Variants in KATNIP observed in about 807,000 individuals in gnomAD.
The protein encoded by KATNIP is katanin-interacting protein.
In KATNIP, 126 loss-of-function variants were observed where a neutral mutation model predicts 174.0. The observed-to-expected ratio is 0.72, with a 90% CI of 0.63 to 0.84. The LOEUF (loss-of-function observed/expected upper bound fraction) is 0.84. KATNIP is among the 40% of genes least tolerant of loss of function. KATNIP has a pLI of 0.00. For synonymous variants in KATNIP, 810 were observed against 835.7 expected, an observed-to-expected ratio of 0.97 and a Z score of 0.53; for missense variants, 1,958 against 2,109.7, an observed-to-expected ratio of 0.93 and a Z score of 1.41.
intron 6 of KATNIP, among the ~76,000 whole-genome samples, chr16:27,666,392 TTTTTGTTTTGTTTTGTTTTG>T (rs56799945): frequency 2.7e-5 from 4 of 149,390 alleles, no homozygotes; most frequent in Non-Finnish European, 5.9e-5. Flanking sequence ...GGGGAATGAG[TTTTTGTTTTGTTTTGTTTTG>T]TTTTGTTTTG....
intron 22 of KATNIP, among the ~76,000 whole-genome samples, chr16:27,772,509 T>C (rs2082341454): frequency 6.6e-6 from 1 of 152,228 alleles, no homozygotes; most frequent in Admixed American, 6.5e-5. Flanking sequence ...AGCACAGGGC[T>C]GAGGAAAGGC....
At chr16:27,695,311 C>T (rs1276052706) in intron 8 of KATNIP, among the ~76,000 whole-genome samples, 1 of 152,224 alleles carries the variant, frequency 6.6e-6, no homozygotes, top group East Asian at 1.9e-4. Flanking sequence ...CCTACAGTGC[C>T]CTGCAAGGCC....
At chr16:27,641,874 C>T (rs887262142) in intron 5 of KATNIP, among the ~76,000 whole-genome samples, 2 of 152,214 alleles carry the variant, frequency 1.3e-5, no homozygotes, top group Admixed American at 6.5e-5. Flanking sequence ...ACTAGAAACC[C>T]ATGGGGAGGC....
intron 8 of KATNIP, among the ~76,000 whole-genome samples, chr16:27,694,356 T>C (rs2078842700): frequency 6.6e-6 from 1 of 152,120 alleles, no homozygotes; most frequent in South Asian, 2.1e-4. Flanking sequence ...AAGCATGCTG[T>C]TTTTCAGAAA....
At chr16:27,563,741 C>A (rs1398123476) in intron 1 of KATNIP, among the ~76,000 whole-genome samples, 5 of 151,762 alleles carry the variant, frequency 3.3e-5, no homozygotes, top group African/African-American at 9.7e-5. Flanking sequence ...GGCAGGGATA[C>A]CTACTAGGTG....
intron 14 of KATNIP, among the ~76,000 whole-genome samples, chr16:27,723,118 G>A (rs2080305063): frequency 6.6e-6 from 1 of 152,142 alleles, no homozygotes; most frequent in African/African-American, 2.4e-5. Flanking sequence ...TCACAGGCAT[G>A]GAGGTGTGAA....
At position 27,701,674 on chromosome 16, in the gene KATNIP, G is replaced by T. The variant is rs1240867007; in HGVS notation, c.1265G>T (p.Arg422Ile). 8 of 1,605,114 alleles carry T rather than the reference G, an allele frequency of 5.0e-6. No individual in the cohort carries two copies. Among genetic ancestry groups the T allele is most frequent in the Non-Finnish European group, 5.1e-6 (6 of 1,176,172 alleles). Residue 422 changes from arginine (R) to isoleucine (I), a missense_variant, in exon 11 of 28, where the codon AGA (arginine) becomes ATA (isoleucine). Physicochemically the swap from Arg to Ile is moderately conservative, Grantham distance 97. Coordinates refer to ENST00000261588, the MANE Select transcript of KATNIP (RefSeq NM_015202.5). Reference sequence around the variant, plus strand: ...AGGGCCATCAACCAGGCCATGGACAGAATTGGGCTTCTGGGAAGCAGGTAC... The same window carrying T: ...AGGGCCATCAACCAGGCCATGGACATAATTGGGCTTCTGGGAAGCAGGTAC... ...GARAINQAMD[R>I]IGLLGSRQQQ...
intron 2 of KATNIP, among the ~76,000 whole-genome samples, chr16:27,584,912 G>A (rs185470365): frequency 2.3e-4 from 35 of 152,304 alleles, no homozygotes; most frequent in Admixed American, 2.0e-3. Flanking sequence ...CGGTGAGACA[G>A]CCTGCCCTGG....
intron 1 of KATNIP, among the ~76,000 whole-genome samples, chr16:27,571,296 G>A (rs1262905836): frequency 6.6e-6 from 1 of 152,168 alleles, no homozygotes. Context: ...ACCTCCCTAA[G>A]TGTTAGAATT....
At chr16:27,614,809 G>A (rs1417625079) in intron 2 of KATNIP, among the ~76,000 whole-genome samples, 2 of 152,180 alleles carry the variant, frequency 1.3e-5, no homozygotes, top group East Asian at 3.8e-4. Context: ...GGAAGGAAAA[G>A]TAGAGGCTCC....
intron 6 of KATNIP, among the ~76,000 whole-genome samples, chr16:27,664,482 G>T (rs2077620853): frequency 6.6e-6 from 1 of 152,182 alleles, no homozygotes. Context: ...GCTTATTAAA[G>T]CTGTGAATTC....
rs1331280050 is a variant in KATNIP at position 27,608,870 on chromosome 16, C to G, written c.64-9555C>G. On this transcript the variant is annotated intron_variant, in intron 2 of 27. Coordinates refer to ENST00000261588, the MANE Select transcript of KATNIP (RefSeq NM_015202.5). ...CCTCCTCAGCACCCGGCAATCTAGC[C>G]AATTCTTGATTCCCCCTTATCCCCC... Among the ~76,000 whole-genome samples, 5 of 152,148 alleles carry G rather than the reference C, an allele frequency of 3.3e-5. No individual in the cohort carries two copies. The South Asian group carries it at 6.2e-4, about 19-fold the overall frequency.
chr16:27,715,877 G>T (rs1361854008), intron 13 of KATNIP, among the ~76,000 whole-genome samples: 2 of 151,966 alleles, frequency 1.3e-5, no homozygotes, highest in African/African-American at 2.4e-5. Flanking sequence ...GTGGAAAACA[G>T]CTTAGCAATT....
Position 27,737,857 on chromosome 16 carries a change from A to C in KATNIP, c.1744-2184A>C, listed in dbSNP as rs1274875529. ...ACTTCTGAGAGTCATTAGTAATGAC[A>C]CCAGGATAACAGATATAAATCAGAA... is the stretch of plus-strand genomic sequence containing the variant. On this transcript the variant is annotated intron_variant, in intron 14 of 27. Coordinates refer to ENST00000261588, the MANE Select transcript of KATNIP (RefSeq NM_015202.5). 2.0e-5 allele frequency among the ~76,000 whole-genome samples: 3 copies of C among 152,236 alleles called. No individual in the cohort carries two copies. In the East Asian group the frequency reaches 5.8e-4, roughly 29 times the overall value.
intron 21 of KATNIP, among the ~76,000 whole-genome samples, chr16:27,771,164 G>C (rs2082284195): frequency 6.6e-6 from 1 of 152,152 alleles, no homozygotes; most frequent in Non-Finnish European, 1.5e-5. Flanking sequence ...AAGACATAGA[G>C]GGGGTTGGTT....
chr16:27,655,295 G>A (rs1191811105), intron 6 of KATNIP, among the ~76,000 whole-genome samples: 2 of 147,090 alleles, frequency 1.4e-5, no homozygotes, highest in Non-Finnish European at 3.0e-5. Context: ...ATACAGTGGT[G>A]CAATCATGGC....
At chr16:27,642,855 A>ACCTCAGC (rs1173343815) in intron 5 of KATNIP, among the ~76,000 whole-genome samples, 2 of 141,442 alleles carry the variant, frequency 1.4e-5, no homozygotes, top group Non-Finnish European at 3.0e-5. Flanking sequence ...CAATCCTCCC[A>ACCTCAGC]CCTCAGCCTC....
Position 27,681,522 on chromosome 16 carries a change from T to C in KATNIP, c.932T>C (p.Met311Thr), listed in dbSNP as rs545447480. Residue 311 changes from methionine (M) to threonine (T), a missense_variant, in exon 8 of 28, where the codon ATG becomes ACG. Coordinates refer to ENST00000261588, the MANE Select transcript of KATNIP (RefSeq NM_015202.5). ...GCTGTATTCCCAGACCAGGAGAGGA[T>C]GTGCTCCAGTAAGAGTTCCGGGGGC... is the stretch of plus-strand genomic sequence containing the variant. ...APAVFPDQER[M>T]CSRPGSRRER... The C allele has an allele frequency of 1.2e-4, 201 of 1,614,182 alleles. 1 individual carries two copies. The East Asian group carries it at 4.4e-3, about 35-fold the overall frequency.
intron 1 of KATNIP, among the ~76,000 whole-genome samples, chr16:27,567,247 T>C (rs1259973425): frequency 1.3e-5 from 2 of 152,266 alleles, no homozygotes; most frequent in African/African-American, 2.4e-5. Context: ...TTATGTTTTT[T>C]ACACATTTAA....
Sources: gnomAD v4.1 joint callset for allele counts (sites outside exome capture counted in the v4.1 genomes callset) on GRCh38, gnomAD v4.1.1 for gene constraint, MANE v1.5 for transcripts, NCBI Gene and HGNC (gene_info 2026-07-23, HGNC 2026-07-21) for gene names.